The following SUPT16H variants were observed in gnomAD, a reference collection of about 807,000 sequenced individuals.
SUPT16H encodes SPT16 homolog, facilitates chromatin remodeling subunit, also known as FACT complex subunit SPT16.
Under a neutral mutation model 136.2 loss-of-function variants are expected in SUPT16H, and 24 were observed. The ratio of observed to expected loss-of-function variants is 0.18; its 90% CI spans 0.13 to 0.25. SUPT16H has a LOEUF of 0.25. Ranked by LOEUF, SUPT16H falls within the 10% of genes least tolerant of loss-of-function variation. The pLI is 1.00. For missense variants in SUPT16H, 623 were observed against 1,270.2 expected (o/e 0.49, Z 7.74); for synonymous variants, 415 against 428.2 (o/e 0.97, Z 0.38).
chr14:21,368,391 C>T lies in SUPT16H; in HGVS notation c.833G>A (p.Arg278His), dbSNP rs1328707311. 6.2e-7 allele frequency: 1 copy of T among 1,613,868 alleles called. No homozygotes were observed. Among genetic ancestry groups the T allele is most frequent in the Non-Finnish European group, 8.5e-7 (1 of 1,179,936 alleles). ...FGAITCAMGI[R>H]FKSYCSNLVR... is the part of the protein sequence containing the mutation. ...AAGGTTGGAGCAGTAAGACTTGAAGCGAATACCCATGGCACAAGTGATAGC... is the reference window on the plus strand; with the variant it reads ...AAGGTTGGAGCAGTAAGACTTGAAGTGAATACCCATGGCACAAGTGATAGC... The change falls in exon 7 of 26, where the codon CGC (arginine) becomes CAC (histidine). Residue 278 changes from arginine to histidine, a missense_variant. Arg to His is a conservative substitution (Grantham distance 29). Around this residue, in one of 7 missense-constraint regions of SUPT16H, gnomAD observed 343 missense variants for 525.7 expected, o/e 0.65. Coordinates refer to ENST00000216297, the MANE Select transcript of SUPT16H (RefSeq NM_007192.4).
Position 21,352,337 on chromosome 14 carries a change from CT to C in SUPT16H, c.*335del. 1 of 311,144 alleles carries C rather than the reference CT, an allele frequency of 3.2e-6. No homozygotes were observed. The highest frequency in any genetic ancestry group is 3.7e-5 in the South Asian group (1 of 26,974). 19.3% of individuals were successfully genotyped at this position (311,144 alleles called of 1,614,324 possible). A position where few individuals can be genotyped will look rare whatever the true frequency, so the allele number is the denominator to read the frequency against. ...TTGTACCACTGTCTTGGAAATACAG[CT>C]TTGAGACACCAAATAAGATGTCAGA... On this transcript the variant is annotated 3_prime_UTR_variant, in exon 26 of 26. Transcript: ENST00000216297.
At position 21,351,795 on chromosome 14, in the gene SUPT16H, G is replaced by A. The variant is rs1886308282; in HGVS notation, c.*878C>T. On this transcript the variant is annotated 3_prime_UTR_variant, in exon 26 of 26. Coordinates refer to ENST00000216297, the MANE Select transcript of SUPT16H (RefSeq NM_007192.4). ...AGCAGTGCCGAGAGGCTGTGTTGTA[G>A]ATATGGCCTCCCTTCCTCTTCTCTT... The A allele has an allele frequency of 6.5e-6, 1 of 152,978 alleles. No homozygotes were observed. Among genetic ancestry groups the A allele is most frequent in the Non-Finnish European group, 1.5e-5 (1 of 68,286 alleles). The allele number at this position is 152,978 out of a possible 1,614,324, so 9.5% of individuals were successfully genotyped here.
chr14:21,366,318 G>T, intron 8 of SUPT16H, 121 bp downstream of exon 8: 1 of 879,098 alleles, frequency 1.1e-6, no homozygotes, highest in Non-Finnish European at 1.8e-6. Flanking sequence ...CTGGCACATA[G>T]TATAGTTTGC....
rs1012829000 is a variant in SUPT16H, at chr14:21,370,214, G to A, written c.483+122C>T. Reference sequence around the variant, plus strand: ...AACTGGCACACTGCTCAGCCAAAGGGGATAAAATGTAAACAAACATACAGT... The same window carrying A: ...AACTGGCACACTGCTCAGCCAAAGGAGATAAAATGTAAACAAACATACAGT... On this transcript the variant is annotated intron_variant, in intron 4 of 25. Transcript: ENST00000216297. 6.2e-6 allele frequency: 8 copies of A among 1,293,644 alleles called. No homozygotes were observed. In the African/African-American group the frequency reaches 1.0e-4, roughly 17 times the overall value. 80.1% of individuals were successfully genotyped at this position (1,293,644 alleles called of 1,614,324 possible).
chr14:21,352,822 AATAG>A lies in SUPT16H; in HGVS notation c.2999-8_2999-5del. On this transcript the variant is annotated splice_region_variant and splice_polypyrimidine_tract_variant and intron_variant, in intron 25 of 25. Coordinates refer to ENST00000216297, the MANE Select transcript of SUPT16H (RefSeq NM_007192.4). ...TCGTAACGACTTTCTCGGTCCGCTA[AATAG>A]AAGAGGCATTATTAGTTAGCAATAG... 1 of 1,614,100 alleles carries A rather than the reference AATAG, an allele frequency of 6.2e-7. No individual in the cohort carries two copies. Among genetic ancestry groups the A allele is most frequent in the African/African-American group, 1.3e-5 (1 of 75,020 alleles).
At chr14:21,354,347 T>G in intron 23 of SUPT16H, 64 bp downstream of exon 23, 3 of 1,592,288 alleles carry the variant, frequency 1.9e-6, no homozygotes, top group South Asian at 2.3e-5. Context: ...CATATTCCAT[T>G]CTAACTGACC....
rs754720245 is a variant in SUPT16H at position 21,366,427 on chromosome 14, A to G, written c.1046+12T>C. On this transcript the variant is annotated intron_variant, in intron 8 of 25. Coordinates refer to ENST00000216297, the MANE Select transcript of SUPT16H (RefSeq NM_007192.4). ...AACTGACTCAAGAATGACAATAGAC[A>G]TCATGGCATACCCTAGGTTTTTGGT... 6.2e-7 allele frequency: 1 copy of G among 1,612,812 alleles called. No homozygotes were observed. Among genetic ancestry groups the G allele is most frequent in the African/African-American group, 1.3e-5 (1 of 74,838 alleles).
chr14:21,381,861 TG>T lies in SUPT16H; in HGVS notation c.66+2000del, dbSNP rs1434849816. Among the ~76,000 whole-genome samples, 7 of 151,378 alleles carry T rather than the reference TG, an allele frequency of 4.6e-5. No individual in the cohort carries two copies. In the East Asian group the frequency reaches 1.4e-3, roughly 30 times the overall value. ...GTCTTTAACTCCTGGCCTCATGTGC[TG>T]GGTACAGGCATGAGTCACGGTGCCC... On this transcript the variant is annotated intron_variant, in intron 1 of 25. Transcript: ENST00000216297.
chr14:21,383,570 G>C, intron 1 of SUPT16H: 2 of 692,620 alleles, frequency 2.9e-6, no homozygotes, highest in Non-Finnish European at 5.3e-6. Flanking sequence ...TAGGAGGGAA[G>C]GATGTTGCCT....
chr14:21,378,296 CTTTT>C (rs955194204), intron 1 of SUPT16H, among the ~76,000 whole-genome samples: 1 of 151,438 alleles, frequency 6.6e-6, no homozygotes, highest in Admixed American at 6.6e-5. Context: ...GCTAGGGAGA[CTTTT>C]TTTAAAGGAG....
chr14:21,364,400 T>C (rs1397135055), intron 10 of SUPT16H, among the ~76,000 whole-genome samples: 1 of 152,162 alleles, frequency 6.6e-6, no homozygotes, highest in Non-Finnish European at 1.5e-5. Flanking sequence ...GCTAATAGGT[T>C]CAGGGTTCTT....
intron 7 of SUPT16H, 151 bp downstream of exon 7, chr14:21,368,118 C>G (rs1886709764): frequency 4.2e-6 from 3 of 706,584 alleles, no homozygotes; most frequent in Admixed American, 2.9e-5. Context: ...ATATGGGGGC[C>G]TCATTGCCCA....
intron 13 of SUPT16H, 37 bp downstream of exon 13, chr14:21,362,997 C>T: frequency 6.2e-7 from 1 of 1,613,780 alleles, no homozygotes; most frequent in Non-Finnish European, 8.5e-7. Flanking sequence ...TCCCACAGAA[C>T]CCTCAGATGA....
chr14:21,360,745 A>G, intron 17 of SUPT16H, 101 bp downstream of exon 17: 2 of 1,505,186 alleles, frequency 1.3e-6, no homozygotes, highest in Non-Finnish European at 1.8e-6. Context: ...CAACTGAGCT[A>G]ACCGGCGGAT....
rs1406213661 is a variant in SUPT16H at position 21,373,250 on chromosome 14, A to G, written c.159+88T>C. ...CATGAGCCACCGCAGCCAGCCAGGA[A>G]TTTAAGTTTTAATGTGGCTACCATA... is the stretch of plus-strand genomic sequence containing the variant. On this transcript the variant is annotated intron_variant, in intron 2 of 25. Transcript: ENST00000216297. The G allele has an allele frequency of 3.6e-6, 4 of 1,100,612 alleles. No homozygotes were observed. In the East Asian group the frequency reaches 9.7e-5, roughly 27 times the overall value. The allele number at this position is 1,100,612 out of a possible 1,614,324, so 68.2% of individuals were successfully genotyped here.
At chr14:21,357,430 T>C (rs542609742) in intron 21 of SUPT16H, 64 bp from the exon 22 acceptor site, 1 of 1,434,126 alleles carries the variant, frequency 7.0e-7, no homozygotes, top group African/African-American at 1.5e-5. Context: ...ATATTTCAAA[T>C]AACTTTCATG....
chr14:21,361,309 T>A, intron 15 of SUPT16H, 96 bp from the exon 16 acceptor site: 1 of 1,053,950 alleles, frequency 9.5e-7, no homozygotes, highest in Non-Finnish European at 1.3e-6. Context: ...ATCTCTACTT[T>A]GCTTTTTTTT....
intron 1 of SUPT16H, among the ~76,000 whole-genome samples, chr14:21,379,297 A>C (rs1886969252): frequency 1.3e-5 from 2 of 151,984 alleles, no homozygotes; most frequent in Non-Finnish European, 2.9e-5. Flanking sequence ...TTAGCCGAGC[A>C]TGGTGGCACA....
At chr14:21,353,455 CAAAT>C in intron 25 of SUPT16H, 29 bp downstream of exon 25, 7 of 1,598,666 alleles carry the variant, frequency 4.4e-6, no homozygotes, top group South Asian at 3.3e-5. Flanking sequence ...TGTGCGTAGA[CAAAT>C]GAATAAAAAA....
Sources: allele counts gnomAD v4.1 joint callset (sites outside exome capture counted in the v4.1 genomes callset), GRCh38; gene constraint gnomAD v4.1.1; regional missense constraint gnomAD v4.1.1; transcripts MANE v1.5; gene names NCBI Gene and HGNC (gene_info 2026-07-23, HGNC 2026-07-21).